Variants in PITPNC1 observed in about 807,000 individuals in gnomAD.
PITPNC1 encodes the protein cytoplasmic phosphatidylinositol transfer protein 1.
Under a neutral mutation model 44.7 loss-of-function variants are expected in PITPNC1, and 18 were observed. The observed-to-expected ratio is 0.40, with a 90% CI of 0.28 to 0.60. The LOEUF is 0.60. Ranked by LOEUF, PITPNC1 falls within the 20% of genes least tolerant of loss-of-function variation. PITPNC1 has a pLI of 0.39. For missense variants in PITPNC1, 290 were observed against 418.4 expected, an observed-to-expected ratio of 0.69 and a Z score of 2.68; for synonymous variants, 141 against 149.6, an observed-to-expected ratio of 0.94 and a Z score of 0.42.
intron 8 of PITPNC1, among the ~76,000 whole-genome samples, chr17:67,683,304 T>G (rs182739584): frequency 2.1e-4 from 32 of 152,286 alleles, no homozygotes; most frequent in Non-Finnish European, 2.2e-4. Context: ...ATCATTACTG[T>G]ATAATCTGTC....
chr17:67,495,041 TTTTTTTTTTTG>T (rs1157719149), intron 1 of PITPNC1, among the ~76,000 whole-genome samples: 3,262 of 57,694 alleles, frequency 0.057, 246 homozygotes, highest in South Asian at 0.065. Context: ...CATGGAGTTG[TTTTTTTTTTTG>T]TTTTTTTTTT....
At chr17:67,523,531 G>A (rs951066678) in intron 1 of PITPNC1, among the ~76,000 whole-genome samples, 35 of 151,012 alleles carry the variant, frequency 2.3e-4, no homozygotes, top group Admixed American at 2.0e-3. Flanking sequence ...ACCATGTCTT[G>A]CGAGGTATTC....
At chr17:67,466,525 G>C (rs1052660266) in intron 1 of PITPNC1, among the ~76,000 whole-genome samples, 2 of 152,198 alleles carry the variant, frequency 1.3e-5, no homozygotes, top group Non-Finnish European at 2.9e-5. Flanking sequence ...AAACAGCAAA[G>C]AGAAAGGGCC....
intron 6 of PITPNC1, among the ~76,000 whole-genome samples, chr17:67,641,754 C>T (rs557115553): frequency 1.3e-5 from 2 of 150,298 alleles, no homozygotes; most frequent in African/African-American, 4.9e-5. Context: ...GAGCTGAGAT[C>T]CCGGGCAGCA....
chr17:67,467,457 A>G (rs975971570), intron 1 of PITPNC1, among the ~76,000 whole-genome samples: 26 of 151,978 alleles, frequency 1.7e-4, no homozygotes, highest in Non-Finnish European at 2.9e-4. Context: ...TTTCATTTTT[A>G]TTCTGATCCA....
intron 1 of PITPNC1, among the ~76,000 whole-genome samples, chr17:67,435,025 C>T (rs1261860911): frequency 1.4e-5 from 2 of 147,944 alleles, no homozygotes; most frequent in Non-Finnish European, 3.0e-5. Flanking sequence ...AGGAGAATGA[C>T]GTGAACCCGG....
chr17:67,688,054 A>G (rs75637588), intron 8 of PITPNC1, among the ~76,000 whole-genome samples: 1 of 149,366 alleles, frequency 6.7e-6, no homozygotes, highest in African/African-American at 2.5e-5. Flanking sequence ...AAAAAAAAAA[A>G]TCAGCTGGGC....
At position 67,561,366 on chromosome 17, in the gene PITPNC1, G is replaced by A. The variant is rs578103186; in HGVS notation, c.294+7749G>A. On this transcript the variant is annotated intron_variant, in intron 4 of 8. Coordinates refer to ENST00000581322, the MANE Select transcript of PITPNC1 (RefSeq NM_012417.4). ...AGCTACTCAGGAGGCTAAGGCAGGA[G>A]AATCACTTGAACCTGGGATGCGGAG... is the stretch of plus-strand genomic sequence containing the variant. Among the ~76,000 whole-genome samples, 10 of 151,804 alleles carry A rather than the reference G, an allele frequency of 6.6e-5. No homozygotes were observed. The South Asian group carries it at 1.5e-3, about 22-fold the overall frequency.
At chr17:67,575,811 T>TTCCTTCC (rs2041135801) in intron 4 of PITPNC1, among the ~76,000 whole-genome samples, 1 of 87,192 alleles carries the variant, frequency 1.1e-5, no homozygotes, top group African/African-American at 3.6e-5. Flanking sequence ...TCTTTCTTTC[T>TTCCTTCC]TTCTTTCTTT....
intron 5 of PITPNC1, among the ~76,000 whole-genome samples, chr17:67,631,466 A>G (rs1469802761): frequency 7.3e-6 from 1 of 137,726 alleles, no homozygotes; most frequent in Non-Finnish European, 1.6e-5. Context: ...CGTCTCTACT[A>G]AAAATACAAA....
At chr17:67,623,155 G>A (rs2041855228) in intron 5 of PITPNC1, among the ~76,000 whole-genome samples, 1 of 150,168 alleles carries the variant, frequency 6.7e-6, no homozygotes, top group Non-Finnish European at 1.5e-5. Context: ...AGGATCAGTG[G>A]TTTGGCTAGG....
intron 1 of PITPNC1, among the ~76,000 whole-genome samples, chr17:67,466,583 G>A (rs2039431369): frequency 6.6e-6 from 1 of 152,130 alleles, no homozygotes; most frequent in South Asian, 2.1e-4. Flanking sequence ...AGTAAGTTCA[G>A]CAGTCCTCTA....
At chr17:67,499,245 C>T (rs559716183) in intron 1 of PITPNC1, among the ~76,000 whole-genome samples, 6 of 151,992 alleles carry the variant, frequency 3.9e-5, no homozygotes, top group Admixed American at 6.6e-5. Flanking sequence ...AGCAGAGTCT[C>T]GCTCTGTTGC....
chr17:67,453,352 G>C (rs996997443), intron 1 of PITPNC1, among the ~76,000 whole-genome samples: 2 of 152,120 alleles, frequency 1.3e-5, no homozygotes, highest in Non-Finnish European at 2.9e-5. Context: ...TTGGTGAGAG[G>C]TAATGGAGAA....
chr17:67,446,243 C>A (rs75921784), intron 1 of PITPNC1, among the ~76,000 whole-genome samples: 7,515 of 152,004 alleles, frequency 0.049, 495 homozygotes, highest in East Asian at 0.15. Flanking sequence ...CCACACCCAG[C>A]CTTCTTTGAC....
At position 67,434,036 on chromosome 17, in the gene PITPNC1, C is replaced by T. The variant is rs572601206; in HGVS notation, c.48+55834C>T. On this transcript the variant is annotated intron_variant, in intron 1 of 8. Transcript: ENST00000581322. ...ATGGTCCTGCTCCTGGGGCTTAGAACGGGACCTGGTTCTCCAGGGAGGTGA... is the reference window on the plus strand; with the variant it reads ...ATGGTCCTGCTCCTGGGGCTTAGAATGGGACCTGGTTCTCCAGGGAGGTGA... 2.1e-3 allele frequency among the ~76,000 whole-genome samples: 313 copies of T among 152,224 alleles called. 2 individuals carry two copies. Among genetic ancestry groups the T allele is most frequent in the African/African-American group, 7.2e-3 (297 of 41,534 alleles).
chr17:67,660,542 GTTTATTTA>G (rs1026927213), intron 6 of PITPNC1, among the ~76,000 whole-genome samples: 3 of 105,258 alleles, frequency 2.9e-5, no homozygotes, highest in Admixed American at 1.1e-4. Flanking sequence ...TTATTTATTT[GTTTATTTA>G]TTTATTTTTG....
At chr17:67,662,057 A>G (rs908401713) in intron 6 of PITPNC1, among the ~76,000 whole-genome samples, 4 of 152,164 alleles carry the variant, frequency 2.6e-5, no homozygotes, top group African/African-American at 9.7e-5. Flanking sequence ...CAGAGCCAGT[A>G]CATGCCCTGA....
At chr17:67,577,216 C>T (rs2041161415) in intron 4 of PITPNC1, among the ~76,000 whole-genome samples, 1 of 152,148 alleles carries the variant, frequency 6.6e-6, no homozygotes, top group Non-Finnish European at 1.5e-5. Context: ...CGCTTGAGCC[C>T]ATAGGTCAAG....
Sources: allele counts gnomAD v4.1 joint callset (sites outside exome capture counted in the v4.1 genomes callset), GRCh38; gene constraint gnomAD v4.1.1; transcripts MANE v1.5; gene names NCBI Gene and HGNC (gene_info 2026-07-23, HGNC 2026-07-21).